Variants in CELF2 observed in about 807,000 individuals in gnomAD.
CELF2 encodes CUG triplet repeat RNA-binding protein 2.
CELF2 carries 8 observed loss-of-function variants against 62.6 expected under a neutral mutation model. The ratio of observed to expected loss-of-function variants is 0.13; its 90% CI spans 0.07 to 0.23. The LOEUF is 0.23. Ranked by LOEUF, CELF2 falls within the 10% of genes least tolerant of loss-of-function variation. CELF2 has a pLI of 1.00. For synonymous variants in CELF2, 258 were observed against 250.0 expected, an observed-to-expected ratio of 1.03 and a Z score of -0.30; for missense variants, 333 against 671.0, an observed-to-expected ratio of 0.50 and a Z score of 5.56.
At chr10:11,245,753 G>A (rs961416104) in intron 3 of CELF2, among the ~76,000 whole-genome samples, 1 of 152,238 alleles carries the variant, frequency 6.6e-6, no homozygotes, top group Non-Finnish European at 1.5e-5. Context: ...TTGGGGGGAA[G>A]GGAAGATTAC....
Position 11,010,417 on chromosome 10 carries a change from G to T in CELF2, c.53+4977G>T, listed in dbSNP as rs1318909946. Among the ~76,000 whole-genome samples, 1 of 152,102 alleles carries T rather than the reference G, an allele frequency of 6.6e-6. No homozygotes were observed. Among genetic ancestry groups the T allele is most frequent in the African/African-American group, 2.4e-5 (1 of 41,420 alleles). The stretch of plus-strand genomic sequence containing the variant: ...TGGCCTTCTCTCTTCCTTTCCAACT[G>T]CCCGTTGTAGGTTTTAACAAAGATA... On this transcript the variant is annotated intron_variant, in intron 1 of 12. Transcript: ENST00000416382. The surrounding 1 kb of genome is among the most constrained non-coding windows in gnomAD (Gnocchi z 4.1).
At chr10:10,526,756 T>C in the CELF2 span, among the ~76,000 whole-genome samples, 1 of 152,242 alleles carries the variant, frequency 6.6e-6, no homozygotes, top group Non-Finnish European at 1.5e-5. Context: ...AAAAGGAATA[T>C]CATAGAGAAG....
chr10:11,088,809 G>A, intron 1 of CELF2, among the ~76,000 whole-genome samples: 1 of 152,320 alleles, frequency 6.6e-6, no homozygotes, highest in East Asian at 1.9e-4. Flanking sequence ...GGGAGCCTCA[G>A]CTGGAAGAAT....
the CELF2 span, among the ~76,000 whole-genome samples, chr10:10,486,164 TG>T: frequency 6.6e-6 from 1 of 152,152 alleles, no homozygotes; most frequent in African/African-American, 2.4e-5. Flanking sequence ...GAGGTGGAAA[TG>T]GTGGTCTTCA....
intron 1 of CELF2, among the ~76,000 whole-genome samples, chr10:10,848,471 C>A (rs1453850358): frequency 1.3e-5 from 2 of 152,190 alleles, no homozygotes; most frequent in African/African-American, 2.4e-5. Flanking sequence ...CAGAAGACCG[C>A]TTCTTGGGAA....
the CELF2 span, among the ~76,000 whole-genome samples, chr10:10,774,090 T>C: frequency 6.6e-6 from 1 of 152,248 alleles, no homozygotes; most frequent in African/African-American, 2.4e-5. Context: ...AGGCCATTTA[T>C]GCTGCCTGGT....
At chr10:10,896,631 G>C (rs772404168) in intron 1 of CELF2, among the ~76,000 whole-genome samples, 9 of 152,090 alleles carry the variant, frequency 5.9e-5, no homozygotes, top group Admixed American at 2.0e-4. Context: ...GGAGACTCTA[G>C]AGATGCAGCT....
rs1420294173 is a variant in CELF2, at chr10:11,220,463, C to A, written c.354+2956C>A. Among the ~76,000 whole-genome samples, 1 of 152,120 alleles carries A rather than the reference C, an allele frequency of 6.6e-6. No individual in the cohort carries two copies. Among genetic ancestry groups the A allele is most frequent in the African/African-American group, 2.4e-5 (1 of 41,408 alleles). On this transcript the variant is annotated intron_variant, in intron 3 of 12. Transcript: ENST00000633077. This position sits in a 1 kb window ranked among gnomAD's most constrained non-coding sequence, Gnocchi z 4.4. Reference sequence around the variant, plus strand: ...CCATAAGATTTTGATTTAAAGGCACCCTCCTTTACATGTCAGGAATGAATT... The same window carrying A: ...CCATAAGATTTTGATTTAAAGGCACACTCCTTTACATGTCAGGAATGAATT...
At chr10:10,701,290 G>T in the CELF2 span, among the ~76,000 whole-genome samples, 1 of 152,204 alleles carries the variant, frequency 6.6e-6, no homozygotes, top group African/African-American at 2.4e-5. Context: ...AGAAAGAGAT[G>T]CAAATATCCC....
At chr10:10,505,015 G>A in the CELF2 span, among the ~76,000 whole-genome samples, 2 of 152,058 alleles carry the variant, frequency 1.3e-5, no homozygotes, top group Admixed American at 6.5e-5. Flanking sequence ...AATCAAACAT[G>A]TCTGTCATCA....
At chr10:11,143,028 A>T (rs1051980025) in intron 1 of CELF2, among the ~76,000 whole-genome samples, 3 of 137,570 alleles carry the variant, frequency 2.2e-5, no homozygotes, top group African/African-American at 8.4e-5. Flanking sequence ...TCCCCTTGTG[A>T]TTCTTCTGTC....
chr10:10,712,117 A>G, the CELF2 span, among the ~76,000 whole-genome samples: 1 of 139,566 alleles, frequency 7.2e-6, no homozygotes, highest in Non-Finnish European at 1.5e-5. Context: ...TTCACTATAT[A>G]TAGTCCCTTG....
intron 4 of CELF2, among the ~76,000 whole-genome samples, chr10:11,251,813 C>G (rs1167694424): frequency 6.6e-6 from 1 of 152,194 alleles, no homozygotes; most frequent in Non-Finnish European, 1.5e-5. Flanking sequence ...TAGCAAGTAT[C>G]CAGTGTGCTA....
At chr10:10,885,665 T>A (rs2061705139) in intron 1 of CELF2, among the ~76,000 whole-genome samples, 1 of 152,182 alleles carries the variant, frequency 6.6e-6, no homozygotes, top group African/African-American at 2.4e-5. Context: ...TGTAGTGGCA[T>A]GAAACAATGT....
chr10:11,079,783 A>T (rs967570144), intron 1 of CELF2, among the ~76,000 whole-genome samples: 2 of 141,284 alleles, frequency 1.4e-5, no homozygotes, highest in African/African-American at 2.6e-5. Context: ...GCAATTCAAG[A>T]TGAAAAGAGA....
chr10:11,087,632 G>C (rs1462214657), intron 1 of CELF2, among the ~76,000 whole-genome samples: 1 of 152,142 alleles, frequency 6.6e-6, no homozygotes, highest in Non-Finnish European at 1.5e-5. Context: ...TTTATGACAG[G>C]ATTTGACTCC....
At chr10:10,696,040 T>C in the CELF2 span, among the ~76,000 whole-genome samples, 1 of 151,972 alleles carries the variant, frequency 6.6e-6, no homozygotes, top group African/African-American at 2.4e-5. Flanking sequence ...CTTTGTTCCG[T>C]TGCTGGTGAG....
the CELF2 span, among the ~76,000 whole-genome samples, chr10:10,479,710 C>T: frequency 6.6e-6 from 1 of 152,056 alleles, no homozygotes; most frequent in Non-Finnish European, 1.5e-5. Flanking sequence ...ACTTTGGACA[C>T]GTCATTTAAT....
chr10:10,473,081 TGAA>T, the CELF2 span, among the ~76,000 whole-genome samples: 1 of 152,032 alleles, frequency 6.6e-6, no homozygotes, highest in Admixed American at 6.6e-5. Context: ...AAAAATACGT[TGAA>T]GTCATAATTT....
Sources: gnomAD v4.1 joint callset for allele counts (sites outside exome capture counted in the v4.1 genomes callset) on GRCh38, gnomAD v4.1.1 for gene constraint, Gnocchi (gnomAD v3.1) non-coding constraint, MANE v1.5 for transcripts, NCBI Gene and HGNC (gene_info 2026-07-23, HGNC 2026-07-21) for gene names.